Variants in IQCB1 observed in about 807,000 individuals in gnomAD.
The protein encoded by IQCB1 is IQ motif containing B1.
A neutral mutation model predicts 84.4 loss-of-function variants in IQCB1; 56 were observed. The observed-to-expected ratio is 0.66, with a 90% confidence interval of 0.54 to 0.83. The LOEUF is 0.83. IQCB1 is among the 40% of genes least tolerant of loss of function. The pLI, the probability that IQCB1 is intolerant of heterozygous loss-of-function variation, is 0.00. For synonymous variants in IQCB1, 210 were observed against 234.8 expected (o/e 0.89, Z 0.96); for missense variants, 629 against 682.1 (o/e 0.92, Z 0.87).
chr3:121,786,215 G>GAGAAGAGAAGAGAAGAGAAGAGAAGA (rs59609336), intron 12 of IQCB1, among the ~76,000 whole-genome samples: 8 of 147,180 alleles, frequency 5.4e-5, no homozygotes, highest in African/African-American at 2.0e-4. Flanking sequence ...GAAAAGAAAA[G>GAGAAGAGAAGAGAAGAGAAGAGAAGA]GATGCTTTAA....
chr3:121,818,132 T>G (rs941766973), intron 5 of IQCB1, among the ~76,000 whole-genome samples: 1 of 152,232 alleles, frequency 6.6e-6, no homozygotes, highest in Non-Finnish European at 1.5e-5. Flanking sequence ...TGACAACAGT[T>G]GTGAATCTGC....
At chr3:121,803,699 A>G (rs1043704056) in intron 7 of IQCB1, among the ~76,000 whole-genome samples, 1 of 152,166 alleles carries the variant, frequency 6.6e-6, no homozygotes, top group Non-Finnish European at 1.5e-5. Context: ...TTATGAAATA[A>G]CCTTCTTTAG....
In IQCB1 at chr3:121,834,993, A is replaced by G. The variant is rs1708201468; in HGVS notation, c.-129T>C. 1 of 434,812 alleles carries G rather than the reference A, an allele frequency of 2.3e-6. No individual in the cohort carries two copies. Among genetic ancestry groups the G allele is most frequent in the Admixed American group, 4.4e-5 (1 of 22,900 alleles). 26.9% of individuals were successfully genotyped at this position (434,812 alleles called of 1,614,324 possible). ...CATCCTCGCTTCGCGTTCTTCCACT[A>G]AAGAACCTGGGGCTCCCACGCCGCA... On this transcript the variant is annotated 5_prime_UTR_variant, in exon 1 of 15. Transcript: ENST00000310864.
intron 13 of IQCB1, among the ~76,000 whole-genome samples, chr3:121,777,088 A>T (rs1024416771): frequency 5.9e-5 from 9 of 152,320 alleles, no homozygotes; most frequent in Non-Finnish European, 5.9e-5. Context: ...GTTTCCTTTT[A>T]GAAGTTTTAT....
chr3:121,828,405 A>G, intron 4 of IQCB1, 65 bp downstream of exon 4: 1 of 1,409,068 alleles, frequency 7.1e-7, no homozygotes, highest in South Asian at 1.2e-5. Flanking sequence ...ATAAAAAGCA[A>G]ATGTTGAAAA....
chr3:121,794,516 T>G (rs1263321212), intron 10 of IQCB1, among the ~76,000 whole-genome samples: 1 of 152,152 alleles, frequency 6.6e-6, no homozygotes, highest in Admixed American at 6.5e-5. Context: ...ATATATCATA[T>G]ACTAGGCATT....
At chr3:121,777,878 T>C (rs58203021) in intron 13 of IQCB1, among the ~76,000 whole-genome samples, 3,530 of 152,200 alleles carry the variant, frequency 0.023, 137 homozygotes, top group African/African-American at 0.081. Flanking sequence ...TGTTGACCAC[T>C]TGTATATACG....
chr3:121,785,909 C>A (rs1948688685), intron 12 of IQCB1, among the ~76,000 whole-genome samples: 1 of 151,586 alleles, frequency 6.6e-6, no homozygotes, highest in South Asian at 2.1e-4. Context: ...TGGCTCACAT[C>A]TGTAATTCCA....
intron 5 of IQCB1, among the ~76,000 whole-genome samples, chr3:121,813,364 C>A (rs1429689339): frequency 6.6e-6 from 1 of 152,206 alleles, no homozygotes; most frequent in Non-Finnish European, 1.5e-5. Context: ...ACTGCATCAA[C>A]TAATGTGCAA....
At chr3:121,800,229 G>A (rs866386003) in intron 7 of IQCB1, among the ~76,000 whole-genome samples, 1 of 151,708 alleles carries the variant, frequency 6.6e-6, no homozygotes. Context: ...ACATTTCTTC[G>A]ACAAACCAAC....
At chr3:121,771,306 A>G (rs763033253) in intron 14 of IQCB1, among the ~76,000 whole-genome samples, 2 of 151,852 alleles carry the variant, frequency 1.3e-5, no homozygotes, top group Non-Finnish European at 2.9e-5. Flanking sequence ...AAAGATGTAG[A>G]TTTTTGTAAG....
chr3:121,818,528 G>A (rs1175306179), intron 5 of IQCB1, among the ~76,000 whole-genome samples: 1 of 152,206 alleles, frequency 6.6e-6, no homozygotes, highest in Non-Finnish European at 1.5e-5. Context: ...GCAGCTAGAA[G>A]TCAAGGTAGT....
In IQCB1 at chr3:121,779,401, C is replaced by T. The variant is rs534264270; in HGVS notation, c.1410+2342G>A. Among the ~76,000 whole-genome samples, 6 of 152,282 alleles carry T rather than the reference C, an allele frequency of 3.9e-5. No homozygotes were observed. The South Asian group carries it at 1.2e-3, about 32-fold the overall frequency. On this transcript the variant is annotated intron_variant, in intron 13 of 14. Transcript: ENST00000310864. ...GCTTCACCTATATTAATCTTCCATC[C>T]AGCAAAGTCTAATCTGCTATTATTT...
intron 13 of IQCB1, among the ~76,000 whole-genome samples, chr3:121,776,148 C>A (rs1421931170): frequency 6.6e-6 from 1 of 152,032 alleles, no homozygotes; most frequent in Non-Finnish European, 1.5e-5. Context: ...CAGCCTCGAA[C>A]TCCTGGGCTC....
At chr3:121,793,645 C>T (rs1949077292) in intron 10 of IQCB1, among the ~76,000 whole-genome samples, 1 of 152,120 alleles carries the variant, frequency 6.6e-6, no homozygotes, top group Admixed American at 6.5e-5. Flanking sequence ...TCTGGAACCT[C>T]AAATGCAAAA....
intron 12 of IQCB1, among the ~76,000 whole-genome samples, chr3:121,786,170 C>CAAGAAAAGAAAGAAAAGAAG: frequency 4.1e-5 from 3 of 72,848 alleles, no homozygotes; most frequent in Admixed American, 1.9e-4. Context: ...GATTCTGTCT[C>CAAGAAAAGAAAGAAAAGAAG]AAAAGAAAAG....
At chr3:121,800,207 A>C (rs1267017323) in intron 7 of IQCB1, among the ~76,000 whole-genome samples, 1 of 151,936 alleles carries the variant, frequency 6.6e-6, no homozygotes, top group African/African-American at 2.4e-5. Context: ...ATCTATCAGC[A>C]AATTTACTTC....
intron 5 of IQCB1, among the ~76,000 whole-genome samples, chr3:121,815,871 C>G (rs1950031074): frequency 6.8e-6 from 1 of 147,172 alleles, no homozygotes; most frequent in Non-Finnish European, 1.5e-5. Context: ...TTCCATCAAA[C>G]TACCATTGAC....
At chr3:121,772,797 C>T in intron 13 of IQCB1, 84 bp from the exon 14 acceptor site, 2 of 1,202,372 alleles carry the variant, frequency 1.7e-6, no homozygotes, top group Non-Finnish European at 2.5e-6. Context: ...TTTTAGACTG[C>T]TTAGCTGTCT....
Sources: allele counts gnomAD v4.1 joint callset (sites outside exome capture counted in the v4.1 genomes callset), GRCh38; gene constraint gnomAD v4.1.1; transcripts MANE v1.5; gene names NCBI Gene and HGNC (gene_info 2026-07-23, HGNC 2026-07-21).